NALF1: variants seen among roughly 807,000 people sequenced by gnomAD.
NALF1 encodes NALCN channel auxiliary factor 1, also known as family with sequence similarity 155 member A.
NALF1 carries 3 observed loss-of-function variants against 48.4 expected under a neutral mutation model. The ratio of observed to expected loss-of-function variants is 0.06; its 90% CI spans 0.03 to 0.16. The LOEUF is 0.16. Among genes scored for constraint, NALF1 ranks in the 10% least tolerant of loss-of-function variants. The pLI is 1.00. For synonymous variants in NALF1, 262 were observed against 245.7 expected (o/e 1.07, Z -0.62); for missense variants, 526 against 571.5 (o/e 0.92, Z 0.81).
chr13:107,730,928 G>A (rs1012308057), intron 1 of NALF1, among the ~76,000 whole-genome samples: 8 of 152,086 alleles, frequency 5.3e-5, no homozygotes, highest in Non-Finnish European at 4.4e-5. Flanking sequence ...ATTACCCCTA[G>A]GTTTTCAGCT....
intron 1 of NALF1, among the ~76,000 whole-genome samples, chr13:107,340,483 T>TCTC (rs1566489733): frequency 1.9e-4 from 10 of 53,830 alleles, no homozygotes; most frequent in Non-Finnish European, 4.6e-4. Flanking sequence ...CTTTCTTTCT[T>TCTC]TCTTTTTGTC....
chr13:107,614,843 T>C (rs1406638286), intron 1 of NALF1, among the ~76,000 whole-genome samples: 1 of 151,692 alleles, frequency 6.6e-6, no homozygotes, highest in Non-Finnish European at 1.5e-5. Flanking sequence ...AGTGATGCAA[T>C]CTTTGCTCAC....
intron 1 of NALF1, among the ~76,000 whole-genome samples, chr13:107,238,944 T>C (rs976080664): frequency 5.9e-5 from 9 of 152,030 alleles, no homozygotes; most frequent in African/African-American, 2.2e-4. Context: ...GTATGGGGGA[T>C]GGATTTTAAT....
intron 1 of NALF1, among the ~76,000 whole-genome samples, chr13:107,465,383 TTA>T (rs1884985322): frequency 6.6e-6 from 1 of 151,954 alleles, no homozygotes; most frequent in Non-Finnish European, 1.5e-5. Context: ...ATCTTAAAGT[TTA>T]TACAATTTTT....
intron 1 of NALF1, among the ~76,000 whole-genome samples, chr13:107,294,252 A>AT (rs1385055242): frequency 2.6e-5 from 4 of 152,090 alleles, no homozygotes; most frequent in South Asian, 2.1e-4. Flanking sequence ...CCCAGGCACC[A>AT]TTTTTTTGCT....
intron 1 of NALF1, among the ~76,000 whole-genome samples, chr13:107,824,691 A>G (rs1029786008): frequency 6.6e-6 from 1 of 152,234 alleles, no homozygotes; most frequent in Non-Finnish European, 1.5e-5. Context: ...CATTCTGTCT[A>G]TACAAATACA....
intron 1 of NALF1, among the ~76,000 whole-genome samples, chr13:107,573,241 C>G (rs1410410796): frequency 6.6e-6 from 1 of 152,198 alleles, no homozygotes; most frequent in Non-Finnish European, 1.5e-5. Flanking sequence ...ATTGTTTTAA[C>G]ACTTTCCTAA....
intron 1 of NALF1, among the ~76,000 whole-genome samples, chr13:107,381,647 T>C (rs1883442353): frequency 6.6e-6 from 1 of 151,752 alleles, no homozygotes. Flanking sequence ...GACTCCTGAA[T>C]AATGGATGGA....
At chr13:107,671,936 A>G (rs1277494660) in intron 1 of NALF1, among the ~76,000 whole-genome samples, 1 of 152,146 alleles carries the variant, frequency 6.6e-6, no homozygotes. Flanking sequence ...TCCAAGAGAC[A>G]TAATGGTTTT....
intron 1 of NALF1, among the ~76,000 whole-genome samples, chr13:107,392,196 G>A (rs1401870664): frequency 6.6e-6 from 1 of 152,076 alleles, no homozygotes; most frequent in Non-Finnish European, 1.5e-5. Context: ...CAAGTGAGCT[G>A]GGAGTGAATC....
At chr13:107,585,855 C>G (rs1244290339) in intron 1 of NALF1, among the ~76,000 whole-genome samples, 1 of 152,076 alleles carries the variant, frequency 6.6e-6, no homozygotes, top group Non-Finnish European at 1.5e-5. Flanking sequence ...TCACAAAATC[C>G]TTTCTATTGA....
intron 1 of NALF1, 30 bp downstream of exon 1, chr13:107,865,652 G>A: frequency 6.2e-7 from 1 of 1,600,500 alleles, no homozygotes; most frequent in Non-Finnish European, 8.5e-7. Flanking sequence ...GGAAAGTGCA[G>A]GAAAGGGGGA....
At chr13:107,348,949 C>T (rs1193307657) in intron 1 of NALF1, among the ~76,000 whole-genome samples, 2 of 152,296 alleles carry the variant, frequency 1.3e-5, no homozygotes, top group East Asian at 3.9e-4. Context: ...AATACCTGGA[C>T]ACTGTTCATC....
chr13:107,468,348 T>C (rs944947511), intron 1 of NALF1, among the ~76,000 whole-genome samples: 3 of 152,316 alleles, frequency 2.0e-5, no homozygotes, highest in Non-Finnish European at 4.4e-5. Flanking sequence ...GATGTATACA[T>C]GACCGTTTTT....
chr13:107,498,813 G>C (rs1279972283), intron 1 of NALF1, among the ~76,000 whole-genome samples: 1 of 152,132 alleles, frequency 6.6e-6, no homozygotes, highest in Non-Finnish European at 1.5e-5. Flanking sequence ...AGTGGCCATC[G>C]AGTTAGAGGC....
chr13:107,751,390 G>A (rs1372278160), intron 1 of NALF1, among the ~76,000 whole-genome samples: 2 of 152,166 alleles, frequency 1.3e-5, no homozygotes, highest in Non-Finnish European at 2.9e-5. Flanking sequence ...TATCATTCAG[G>A]TAAAATAGTT....
chr13:107,322,413 CTTA>C (rs149236708), intron 1 of NALF1, among the ~76,000 whole-genome samples: 110 of 152,254 alleles, frequency 7.2e-4, no homozygotes, highest in Admixed American at 1.6e-3. Context: ...CTCGTGATGA[CTTA>C]TTATTAAGTA....
chr13:107,821,542 T>C (rs1056593462), intron 1 of NALF1, among the ~76,000 whole-genome samples: 5 of 152,160 alleles, frequency 3.3e-5, no homozygotes, highest in Non-Finnish European at 5.9e-5. Context: ...GAGAAAAATA[T>C]AGACAAAGCT....
chr13:107,603,964 C>G (rs1878999807), intron 1 of NALF1, among the ~76,000 whole-genome samples: 1 of 152,086 alleles, frequency 6.6e-6, no homozygotes, highest in Non-Finnish European at 1.5e-5. Context: ...TGTGTTTTAA[C>G]TCAAAGAATT....
Sources: gnomAD v4.1 joint callset for allele counts (sites outside exome capture counted in the v4.1 genomes callset) on GRCh38, gnomAD v4.1.1 for gene constraint, MANE v1.5 for transcripts, NCBI Gene and HGNC (gene_info 2026-07-23, HGNC 2026-07-21) for gene names.